The following NPC2 variants were observed in gnomAD, a reference collection of about 807,000 sequenced individuals.
NPC2 encodes the protein NPC intracellular cholesterol transporter 2.
In NPC2, 14 loss-of-function variants were observed where a neutral mutation model predicts 17.0. The ratio of observed to expected loss-of-function variants is 0.82; its 90% CI spans 0.54 to 1.29. NPC2 has a LOEUF of 1.29. Among genes scored for constraint, NPC2 ranks in the 50% most tolerant of loss-of-function variants. The pLI is 0.00. For missense variants in NPC2, 167 were observed against 183.4 expected (o/e 0.91, Z 0.52); for synonymous variants, 75 against 69.3 (o/e 1.08, Z -0.41).
intron 1 of NPC2, among the ~76,000 whole-genome samples, chr14:74,492,674 A>G (rs992849345): frequency 6.6e-6 from 1 of 152,244 alleles, no homozygotes; most frequent in Non-Finnish European, 1.5e-5. Flanking sequence ...AATGAGATTT[A>G]TACAAGGAAA....
chr14:74,483,537 G>A (rs1225097527), intron 3 of NPC2: 26 of 1,482,838 alleles, frequency 1.8e-5, no homozygotes, highest in Non-Finnish European at 2.3e-5. Context: ...CTCTGAGCTA[G>A]GTTACAGGAA....
chr14:74,490,451 G>A (rs1341081520), intron 1 of NPC2, among the ~76,000 whole-genome samples: 1 of 152,110 alleles, frequency 6.6e-6, no homozygotes, highest in Admixed American at 6.5e-5. Flanking sequence ...ACCCATTTTT[G>A]GTGAATAGGG....
At chr14:74,488,908 C>G (rs529848324) in intron 1 of NPC2, among the ~76,000 whole-genome samples, 58 of 152,294 alleles carry the variant, frequency 3.8e-4, no homozygotes, top group African/African-American at 1.4e-3. Flanking sequence ...GAATTGGGAA[C>G]TGCACCATTT....
chr14:74,488,292 G>T (rs1355292024), intron 1 of NPC2, among the ~76,000 whole-genome samples: 1 of 152,134 alleles, frequency 6.6e-6, no homozygotes, highest in Admixed American at 6.5e-5. Context: ...CCTTTGCCCA[G>T]TATTTTGTCT....
intron 1 of NPC2, among the ~76,000 whole-genome samples, chr14:74,490,215 T>C (rs569047534): frequency 7.9e-5 from 12 of 152,350 alleles, no homozygotes; most frequent in African/African-American, 2.6e-4. Flanking sequence ...AAGTATGATA[T>C]GAACTCAGAA....
chr14:74,493,363 C>T (rs574247323), upstream of NPC2: 338 of 1,555,688 alleles, frequency 2.2e-4, 5 homozygotes, highest in South Asian at 3.7e-3. This position sits in a 1 kb window ranked among gnomAD's most constrained non-coding sequence, Gnocchi z 4.1. Context: ...CGGGGAGGAG[C>T]CCAGTCAGGC....
chr14:74,487,042 C>T (rs367825804), intron 1 of NPC2, among the ~76,000 whole-genome samples: 1 of 151,796 alleles, frequency 6.6e-6, no homozygotes, highest in Non-Finnish European at 1.5e-5. Context: ...ACCTCCACCC[C>T]CCGGGTTCAA....
chr14:74,486,292 G>A, intron 2 of NPC2, 37 bp downstream of exon 2: 1 of 1,484,130 alleles, frequency 6.7e-7, no homozygotes, highest in Non-Finnish European at 9.2e-7. Flanking sequence ...AGGTTATGCT[G>A]TAACATGAAT....
intron 1 of NPC2, among the ~76,000 whole-genome samples, chr14:74,492,825 C>G (rs4899516): frequency 6.6e-6 from 1 of 152,028 alleles, no homozygotes; most frequent in Non-Finnish European, 1.5e-5. Flanking sequence ...AAGGGGGAGG[C>G]GGGATTCCAA....
intron 2 of NPC2, 150 bp downstream of exon 2, chr14:74,486,179 C>T (rs941906267): frequency 3.8e-6 from 3 of 783,632 alleles, no homozygotes; most frequent in Non-Finnish European, 6.6e-6. Context: ...TCCAAGGGCA[C>T]AGTGAACCCT....
At chr14:74,489,124 G>C (rs2086743997) in intron 1 of NPC2, among the ~76,000 whole-genome samples, 1 of 152,174 alleles carries the variant, frequency 6.6e-6, no homozygotes, top group South Asian at 2.1e-4. Flanking sequence ...CAAGCTTAGG[G>C]CACAAGTTAA....
At chr14:74,484,896 G>C (rs1228019433) in intron 2 of NPC2, among the ~76,000 whole-genome samples, 1 of 151,956 alleles carries the variant, frequency 6.6e-6, no homozygotes, top group Non-Finnish European at 1.5e-5. Flanking sequence ...CTGATTTTTG[G>C]CAGTAAACTT....
At position 74,493,206 on chromosome 14, in the gene NPC2, C is replaced by T. The variant is rs760160779; in HGVS notation, c.69G>A (p.Gln23=). ...CCTGGGGCTCACCGCAGTCCTTGAA[C>T]TGCACCGGTTCGGCCTGGGCAGCGG... The part of the protein sequence containing the change: ...LSTAAQAEPV[Q]FKDCGSVDGV... The change falls in exon 1 of 5, where the codon CAG becomes CAA. Residue 23 remains glutamine (Q), a synonymous_variant. Coordinates refer to ENST00000555619, the MANE Select transcript of NPC2 (RefSeq NM_006432.5). The surrounding 1 kb of genome is among the most constrained non-coding windows in gnomAD (Gnocchi z 4.1). 2 of 1,611,380 alleles carry T rather than the reference C, an allele frequency of 1.2e-6. No individual in the cohort carries two copies. The highest frequency in any genetic ancestry group is 1.7e-5 in the Admixed American group (1 of 59,766).
chr14:74,480,497 CTT>C (rs373421076), intron 4 of NPC2: 377 of 691,362 alleles, frequency 5.5e-4, no homozygotes, highest in South Asian at 1.0e-3. Context: ...TTCCTTCAAC[CTT>C]TTTTTTTTTT....
Position 74,486,363 on chromosome 14 carries a change from T to C in NPC2, c.156A>G (p.Gly52=). 1 of 1,604,850 alleles carries C rather than the reference T, an allele frequency of 6.2e-7. No individual in the cohort carries two copies. Among genetic ancestry groups the C allele is most frequent in the East Asian group, 2.2e-5 (1 of 44,776 alleles). ...AGGTGACATTGACGCTGTAAGACTG[T>C]CCTTTGCTCAGCTGGCAGGGTTGGG... ...CPTQPCQLSK[G]QSYSVNVTFT... is the part of the protein sequence containing the mutation. Residue 52 remains glycine (G), a synonymous_variant, in exon 2 of 5, where the codon GGA becomes GGG. Transcript: ENST00000555619.
intron 3 of NPC2, among the ~76,000 whole-genome samples, chr14:74,481,103 A>C (rs1787909116): frequency 6.6e-6 from 1 of 152,214 alleles, no homozygotes; most frequent in African/African-American, 2.4e-5. Flanking sequence ...GTCCCTTTGA[A>C]ATTTCATGTT....
At position 74,484,532 on chromosome 14, in the gene NPC2, T is replaced by G; in HGVS notation, c.246A>C (p.Pro82=). 1 of 1,614,168 alleles carries G rather than the reference T, an allele frequency of 6.2e-7. No homozygotes were observed. Among genetic ancestry groups the G allele is most frequent in the Non-Finnish European group, 8.5e-7 (1 of 1,180,038 alleles). ...AVVHGILMGV[P]VPFPIPEPDG... ...CAGGCTCAGGAATGGGAAAGGGAAC[T>G]GGGACGCCCATCAGGATGCCATGCA... Residue 82 remains proline (P), a synonymous_variant, in exon 3 of 5, where the codon CCA becomes CCC. Transcript: ENST00000555619.
intron 1 of NPC2, among the ~76,000 whole-genome samples, chr14:74,490,124 G>T (rs1405829717): frequency 1.3e-5 from 2 of 152,208 alleles, no homozygotes; most frequent in Non-Finnish European, 2.9e-5. Context: ...AAAGTGGAAT[G>T]CATGAAGACA....
At chr14:74,481,490 A>G (rs761233742) in intron 3 of NPC2, among the ~76,000 whole-genome samples, 92 of 152,264 alleles carry the variant, frequency 6.0e-4, no homozygotes, top group Non-Finnish European at 1.6e-4. Context: ...ATGAAGGCTT[A>G]CATGAATAAT....
Sources: allele counts gnomAD v4.1 joint callset (sites outside exome capture counted in the v4.1 genomes callset), GRCh38; gene constraint gnomAD v4.1.1; non-coding constraint Gnocchi (gnomAD v3.1); transcripts MANE v1.5; gene names NCBI Gene and HGNC (gene_info 2026-07-23, HGNC 2026-07-21).